SOX6: variants seen among roughly 807,000 people sequenced by gnomAD.
The protein encoded by SOX6 is SRY-box transcription factor 6.
Under a neutral mutation model 97.8 loss-of-function variants are expected in SOX6, and 11 were observed. That is an observed-to-expected ratio of 0.11 (90% CI 0.07 to 0.19). The LOEUF is 0.19. SOX6 is among the 10% of genes least tolerant of loss of function. The pLI is 1.00. For synonymous variants in SOX6, 360 were observed against 371.4 expected (o/e 0.97, Z 0.35); for missense variants, 810 against 1,039.5 (o/e 0.78, Z 3.04).
rs1055100136 is a variant in SOX6, at chr11:15,970,223, AGT to A, written c.*2584_*2585del. On this transcript the variant is annotated 3_prime_UTR_variant, in exon 16 of 16. Transcript: ENST00000683767. ...TAACACTTACGAAACAACATCTGTG[AGT>A]GTGTGTGTTTTTTGTTTTTTTTTAC... 3 of 152,572 alleles carry A rather than the reference AGT, an allele frequency of 2.0e-5. No homozygotes were observed. Among genetic ancestry groups the A allele is most frequent in the Non-Finnish European group, 2.9e-5 (2 of 68,020 alleles). 9.5% of individuals were successfully genotyped at this position (152,572 alleles called of 1,614,324 possible).
chr11:16,450,074 T>A (rs1385366806), intron 1 of SOX6, among the ~76,000 whole-genome samples: 1 of 152,166 alleles, frequency 6.6e-6, no homozygotes, highest in Non-Finnish European at 1.5e-5. Flanking sequence ...ACTTATAACT[T>A]TCAGAACCTT....
At chr11:16,042,544 A>C (rs180821859) in intron 12 of SOX6, among the ~76,000 whole-genome samples, 1 of 152,298 alleles carries the variant, frequency 6.6e-6, no homozygotes, top group African/African-American at 2.4e-5. Flanking sequence ...TTGTTCTATA[A>C]GTGGAAATAC....
chr11:16,721,557 C>CCCCCT (rs1848264705), intron 2 of SOX6, among the ~76,000 whole-genome samples: 15 of 8,906 alleles, frequency 1.7e-3, no homozygotes, highest in Admixed American at 3.1e-3. Flanking sequence ...TCTCTTCCCC[C>CCCCCT]CCCTCCCTCC....
chr11:16,600,095 T>G (rs939808924), intron 4 of SOX6, among the ~76,000 whole-genome samples: 2 of 152,218 alleles, frequency 1.3e-5, no homozygotes, highest in Non-Finnish European at 2.9e-5. Flanking sequence ...TTTCAAGAAG[T>G]ATGCAAGAGG....
intron 1 of SOX6, among the ~76,000 whole-genome samples, chr11:16,426,632 T>C (rs954824301): frequency 3.3e-5 from 5 of 151,906 alleles, no homozygotes; most frequent in African/African-American, 9.7e-5. Flanking sequence ...GGATCCCTTC[T>C]GGCCGGGCGC....
intron 2 of SOX6, among the ~76,000 whole-genome samples, chr11:16,323,625 C>T (rs1000666454): frequency 1.3e-5 from 2 of 152,070 alleles, no homozygotes; most frequent in African/African-American, 4.8e-5. Context: ...TTGAAGCACC[C>T]CTGACTATAC....
intron 4 of SOX6, among the ~76,000 whole-genome samples, chr11:16,519,382 T>C (rs896599395): frequency 2.6e-5 from 4 of 152,162 alleles, no homozygotes; most frequent in Non-Finnish European, 5.9e-5. Context: ...CTGGTGTCTA[T>C]TATTTCCATC....
At chr11:16,052,589 A>G (rs1012628716) in intron 10 of SOX6, among the ~76,000 whole-genome samples, 1 of 152,018 alleles carries the variant, frequency 6.6e-6, no homozygotes, top group African/African-American at 2.4e-5. Context: ...ATTTCTATTG[A>G]TTGATTTTTC....
intron 7 of SOX6, among the ~76,000 whole-genome samples, chr11:16,103,154 T>C (rs1848990752): frequency 6.6e-6 from 1 of 151,610 alleles, no homozygotes; most frequent in Non-Finnish European, 1.5e-5. Context: ...ATCCAGAATC[T>C]ACAAAGAACT....
chr11:16,529,076 T>A (rs1253304950), intron 4 of SOX6, among the ~76,000 whole-genome samples: 5 of 152,104 alleles, frequency 3.3e-5, no homozygotes, highest in Admixed American at 2.0e-4. Flanking sequence ...CAGACCACGA[T>A]ATGTCTGCCA....
chr11:16,540,510 A>C (rs1371036238), intron 4 of SOX6, among the ~76,000 whole-genome samples: 2 of 152,162 alleles, frequency 1.3e-5, no homozygotes, highest in African/African-American at 4.8e-5. Context: ...GTATTCAATT[A>C]GGAAAAGAGG....
At chr11:16,567,561 C>CTTT (rs59320140) in intron 4 of SOX6, among the ~76,000 whole-genome samples, 1,034 of 87,400 alleles carry the variant, frequency 0.012, 51 homozygotes, top group Non-Finnish European at 0.019. Context: ...ATATTTTTTT[C>CTTT]TTTTTTTTTT....
At chr11:16,079,303 G>A (rs1470129093) in intron 9 of SOX6, among the ~76,000 whole-genome samples, 2 of 152,122 alleles carry the variant, frequency 1.3e-5, no homozygotes, top group Non-Finnish European at 2.9e-5. Context: ...TACTTAAATT[G>A]TGAAATATAT....
chr11:16,492,399 C>G (rs571066837), intron 4 of SOX6, among the ~76,000 whole-genome samples: 22 of 152,150 alleles, frequency 1.4e-4, no homozygotes, highest in Non-Finnish European at 2.9e-4. Flanking sequence ...TGCTTCATGA[C>G]CTTCTCTGAA....
At chr11:16,411,003 A>G (rs1437541560) in intron 1 of SOX6, among the ~76,000 whole-genome samples, 1 of 151,722 alleles carries the variant, frequency 6.6e-6, no homozygotes, top group Non-Finnish European at 1.5e-5. Flanking sequence ...AAAAAGAAAA[A>G]GAAAAATCAC....
intron 2 of SOX6, among the ~76,000 whole-genome samples, chr11:16,718,978 T>TAAAAAAA (rs558276025): frequency 4.6e-5 from 4 of 86,806 alleles, no homozygotes; most frequent in African/African-American, 7.5e-5. Flanking sequence ...TTTTTAAAAT[T>TAAAAAAA]AAAAAAAAAA....
At chr11:16,425,969 T>A (rs531296319) in intron 1 of SOX6, among the ~76,000 whole-genome samples, 1 of 151,844 alleles carries the variant, frequency 6.6e-6, no homozygotes, top group African/African-American at 2.4e-5. Flanking sequence ...AAAAAAACTA[T>A]TTTAAGGCTG....
chr11:16,542,302 TG>T (rs1460428954), intron 4 of SOX6, among the ~76,000 whole-genome samples: 1 of 151,948 alleles, frequency 6.6e-6, no homozygotes, highest in African/African-American at 2.4e-5. Context: ...CATCACACAC[TG>T]GGGCCTGTTG....
At chr11:16,604,402 G>A (rs1317561314) in intron 4 of SOX6, among the ~76,000 whole-genome samples, 2 of 152,238 alleles carry the variant, frequency 1.3e-5, no homozygotes, top group African/African-American at 4.8e-5. Flanking sequence ...CATGTGACCA[G>A]AAAGGGCAGG....
Sources: gnomAD v4.1 joint callset for allele counts (sites outside exome capture counted in the v4.1 genomes callset) on GRCh38, gnomAD v4.1.1 for gene constraint, MANE v1.5 for transcripts, NCBI Gene and HGNC (gene_info 2026-07-23, HGNC 2026-07-21) for gene names.